The following SPECC1 variants were observed in gnomAD, a reference collection of about 807,000 sequenced individuals.
SPECC1 encodes cytospin-B.
SPECC1 carries 62 observed loss-of-function variants against 104.1 expected under a neutral mutation model. That is an observed-to-expected ratio of 0.60 (90% CI 0.49 to 0.74). The LOEUF is 0.74. SPECC1 is among the 30% of genes least tolerant of loss of function. SPECC1 has a pLI of 0.00. For missense variants in SPECC1, 1,306 were observed against 1,310.5 expected (o/e 1.00, Z 0.05); for synonymous variants, 513 against 501.6 (o/e 1.02, Z -0.30).
chr17:20,039,402 T>C lies in SPECC1; in HGVS notation c.-22+29978T>C, dbSNP rs529189931. Among the ~76,000 whole-genome samples, 4 of 152,346 alleles carry C rather than the reference T, an allele frequency of 2.6e-5. No individual in the cohort carries two copies. The South Asian group carries it at 8.3e-4, about 32-fold the overall frequency. ...TGCCTGCTTTTCTTTCAGGATCTTT[T>C]CTTGATCCTTTTATTCCTGTCTCTT... On this transcript the variant is annotated intron_variant, in intron 1 of 14. Transcript: ENST00000395527.
intron 3 of SPECC1, chr17:20,111,817 C>G: frequency 1.2e-6 from 1 of 827,192 alleles, no homozygotes; most frequent in Non-Finnish European, 2.1e-6. Context: ...AGGGGGGGGG[C>G]AGCGCGATGA....
At chr17:20,117,717 A>G (rs9912371) in intron 3 of SPECC1, among the ~76,000 whole-genome samples, 48,580 of 146,052 alleles carry the variant, frequency 0.33, 8,620 homozygotes, top group Middle Eastern at 0.45. Flanking sequence ...AAAAAAAAAA[A>G]AAAAGAAAAG....
At chr17:20,282,070 C>T (rs912972762) in intron 12 of SPECC1, among the ~76,000 whole-genome samples, 5 of 152,250 alleles carry the variant, frequency 3.3e-5, no homozygotes, top group South Asian at 2.1e-4. Flanking sequence ...AGGTGTTGGC[C>T]GCAGGCCCAT....
chr17:20,126,662 T>G (rs1181175437), intron 3 of SPECC1, among the ~76,000 whole-genome samples: 2 of 152,210 alleles, frequency 1.3e-5, no homozygotes, highest in Non-Finnish European at 2.9e-5. Context: ...TTCCAGGAGT[T>G]ATTCTTTTAT....
intron 1 of SPECC1, among the ~76,000 whole-genome samples, chr17:20,041,314 C>A (rs1173518817): frequency 2.0e-5 from 3 of 152,028 alleles, no homozygotes; most frequent in Non-Finnish European, 4.4e-5. Context: ...GGGATCTCGG[C>A]TCACCGCAAC....
chr17:20,144,175 CTTTTTTT>C lies in SPECC1; in HGVS notation c.283+33634_283+33640del, dbSNP rs1168474738. ...TTATTTAATACTGTTTTTTTCTTTTCTTTTTTTTTTTTTTTTTTTTTTTTTTTGAGGC... is the reference window on the plus strand; with the variant it reads ...TTATTTAATACTGTTTTTTTCTTTTCTTTTTTTTTTTTTTTTTTTTGAGGC... On this transcript the variant is annotated intron_variant, in intron 3 of 14. Transcript: ENST00000395527. Among the ~76,000 whole-genome samples the C allele has an allele frequency of 4.8e-4, 45 of 94,376 alleles. No individual in the cohort carries two copies. The South Asian group carries it at 5.0e-3, about 11-fold the overall frequency. 61.9% of individuals were successfully genotyped at this position (94,376 alleles called of 152,430 possible). A position where few individuals can be genotyped will look rare whatever the true frequency, so the allele number is the denominator to read the frequency against.
intron 12 of SPECC1, among the ~76,000 whole-genome samples, chr17:20,288,616 C>T (rs960802583): frequency 3.9e-5 from 6 of 152,092 alleles, no homozygotes; most frequent in African/African-American, 1.4e-4. Context: ...GAAAAATGAA[C>T]ACTTTTTTTT....
rs182939373 is a variant in SPECC1, at chr17:20,189,177, G to C, written c.284-15156G>C. Among the ~76,000 whole-genome samples the C allele has an allele frequency of 2.6e-4, 39 of 152,274 alleles. 1 individual carries two copies. The East Asian group carries it at 7.0e-3, about 27-fold the overall frequency. The stretch of plus-strand genomic sequence containing the variant: ...ATGGCAGATCTTTTAGTTCACTAAA[G>C]CCTGCACCCTCAGCTCCTCCTTATT... On this transcript the variant is annotated intron_variant, in intron 3 of 14. Coordinates refer to ENST00000395527, the MANE Select transcript of SPECC1 (RefSeq NM_001243439.2).
intron 7 of SPECC1, chr17:20,238,604 G>A (rs1203754373): frequency 9.6e-7 from 1 of 1,042,500 alleles, no homozygotes; most frequent in Non-Finnish European, 1.2e-6. Context: ...AATTAGCTTG[G>A]CGTGAGAAGA....
At chr17:20,087,493 C>T (rs1282956923) in intron 1 of SPECC1, among the ~76,000 whole-genome samples, 1 of 152,072 alleles carries the variant, frequency 6.6e-6, no homozygotes, top group Non-Finnish European at 1.5e-5. Flanking sequence ...TCATTGCCTT[C>T]CAGTTCTCTT....
At chr17:20,269,981 G>A (rs1045955795) in intron 12 of SPECC1, among the ~76,000 whole-genome samples, 4 of 152,180 alleles carry the variant, frequency 2.6e-5, no homozygotes, top group African/African-American at 7.2e-5. Flanking sequence ...CCCTGAAGAC[G>A]TGTTGCCAGG....
intron 14 of SPECC1, among the ~76,000 whole-genome samples, chr17:20,313,514 G>T (rs1409136343): frequency 6.6e-6 from 1 of 152,220 alleles, no homozygotes; most frequent in Non-Finnish European, 1.5e-5. Flanking sequence ...CACTAGAATG[G>T]CAGCCCGCAC....
chr17:20,227,966 AG>A (rs1332570156), intron 5 of SPECC1, among the ~76,000 whole-genome samples: 1 of 135,952 alleles, frequency 7.4e-6, no homozygotes, highest in African/African-American at 2.5e-5. Flanking sequence ...GTGGGTGACG[AG>A]GGGGGGTGGG....
intron 3 of SPECC1, among the ~76,000 whole-genome samples, chr17:20,188,100 A>G (rs972817934): frequency 6.6e-6 from 1 of 152,210 alleles, no homozygotes; most frequent in African/African-American, 2.4e-5. Context: ...TACTGAAAAT[A>G]TTCAATGGTA....
rs554513433 is a variant in SPECC1 at position 20,112,410 on chromosome 17, A to G, written c.283+1848A>G. The G allele has an allele frequency of 7.2e-5, 55 of 763,274 alleles. No homozygotes were observed. In the African/African-American group the frequency reaches 9.2e-4, roughly 13 times the overall value. The allele number at this position is 763,274 out of a possible 1,614,324, so 47.3% of individuals were successfully genotyped here. ...AAGAATTCTAAACCACCGGAGGATC[A>G]TTCACCAATATCCTGAAAGGAATTT... On this transcript the variant is annotated intron_variant, in intron 3 of 14. Coordinates refer to ENST00000395527, the MANE Select transcript of SPECC1 (RefSeq NM_001243439.2).
rs770769796 is a variant in SPECC1, at chr17:20,257,529, G to C, written c.2759G>C (p.Arg920Thr). 6.2e-7 allele frequency: 1 copy of C among 1,613,614 alleles called. No homozygotes were observed. Among genetic ancestry groups the C allele is most frequent in the Non-Finnish European group, 8.5e-7 (1 of 1,179,898 alleles). ...RKSPSLESLS[R>T]PPSLGFGDTR... Reference sequence around the variant, plus strand: ...AGTCCCTCACTAGAGTCACTGAGCAGACCCCCGTCTCTGGGCTTTGGGGAC... The same window carrying C: ...AGTCCCTCACTAGAGTCACTGAGCACACCCCCGTCTCTGGGCTTTGGGGAC... The change falls in exon 11 of 15, where the codon AGA becomes ACA. Residue 920 changes from arginine to threonine, a missense_variant. By Grantham distance (71) the Arg-to-Thr change is moderately conservative. Transcript: ENST00000395527.
chr17:20,065,699 C>T (rs62067491), intron 1 of SPECC1, among the ~76,000 whole-genome samples: 2 of 152,188 alleles, frequency 1.3e-5, no homozygotes, highest in East Asian at 3.8e-4. Context: ...TGATCTAAAC[C>T]TAGCATGCCT....
At chr17:20,268,058 A>T (rs1322965793) in intron 12 of SPECC1, among the ~76,000 whole-genome samples, 1 of 152,110 alleles carries the variant, frequency 6.6e-6, no homozygotes, top group Non-Finnish European at 1.5e-5. Context: ...TTAGACGAAA[A>T]TATATACCGG....
chr17:20,306,118 A>G (rs373111285), intron 14 of SPECC1, 36 bp downstream of exon 14: 1 of 1,579,812 alleles, frequency 6.3e-7, no homozygotes, highest in African/African-American at 1.3e-5. Flanking sequence ...TGATACTTTA[A>G]TTGTATGAGA....
Sources: gnomAD v4.1 joint callset for allele counts (sites outside exome capture counted in the v4.1 genomes callset) on GRCh38, gnomAD v4.1.1 for gene constraint, MANE v1.5 for transcripts, NCBI Gene and HGNC (gene_info 2026-07-23, HGNC 2026-07-21) for gene names.